The following TENM2 variants were observed in gnomAD, a reference collection of about 807,000 sequenced individuals.
TENM2 encodes the protein teneurin transmembrane protein 2.
TENM2 carries 52 observed loss-of-function variants against 245.2 expected under a neutral mutation model. The ratio of observed to expected loss-of-function variants is 0.21; its 90% CI spans 0.17 to 0.27. TENM2 has a LOEUF of 0.27. TENM2 is among the 10% of genes least tolerant of loss of function. The pLI is 1.00. For synonymous variants in TENM2, 1,363 were observed against 1,438.9 expected (o/e 0.95, Z 1.19); for missense variants, 3,046 against 3,666.8 (o/e 0.83, Z 4.37).
At chr5:167,979,924 A>G (rs902340946) in intron 4 of TENM2, among the ~76,000 whole-genome samples, 2 of 152,202 alleles carry the variant, frequency 1.3e-5, no homozygotes, top group African/African-American at 4.8e-5. Context: ...AAAATAAATA[A>G]AAGTGTTGCA....
chr5:167,127,006 G>A, the TENM2 span, among the ~76,000 whole-genome samples: 8 of 150,192 alleles, frequency 5.3e-5, no homozygotes, highest in South Asian at 1.7e-3. Flanking sequence ...ATTCACAGGT[G>A]CATTTTTTTT....
At chr5:167,563,692 A>G (rs996494563) in intron 2 of TENM2, among the ~76,000 whole-genome samples, 2 of 152,212 alleles carry the variant, frequency 1.3e-5, no homozygotes, top group African/African-American at 4.8e-5. Flanking sequence ...ATTATAATGG[A>G]ACTGCCCTAT....
At chr5:167,704,808 T>C (rs1375230447) in intron 2 of TENM2, among the ~76,000 whole-genome samples, 1 of 150,936 alleles carries the variant, frequency 6.6e-6, no homozygotes, top group Non-Finnish European at 1.5e-5. Flanking sequence ...GCTATGGTTC[T>C]TGATGTTGAA....
intron 5 of TENM2, among the ~76,000 whole-genome samples, chr5:168,039,698 G>A (rs767396027): frequency 5.3e-5 from 8 of 152,064 alleles, no homozygotes; most frequent in Non-Finnish European, 1.0e-4. Context: ...TTGCCAGTCA[G>A]GTGCATTCCT....
intron 2 of TENM2, among the ~76,000 whole-genome samples, chr5:167,585,594 T>A (rs1009049319): frequency 6.6e-6 from 1 of 152,200 alleles, no homozygotes; most frequent in Non-Finnish European, 1.5e-5. Context: ...TCCACACCTC[T>A]GGTGAAATTC....
At chr5:167,291,569 AAT>A (rs1387849880) in intron 1 of TENM2, among the ~76,000 whole-genome samples, 2 of 152,208 alleles carry the variant, frequency 1.3e-5, no homozygotes, top group Non-Finnish European at 2.9e-5. Context: ...TTTTCAGCAG[AAT>A]ATTCTCCAGG....
intron 2 of TENM2, among the ~76,000 whole-genome samples, chr5:167,840,482 C>T (rs138513467): frequency 4.6e-4 from 70 of 152,180 alleles, no homozygotes; most frequent in African/African-American, 1.6e-3. Flanking sequence ...AAAATGAACC[C>T]GATGCAAACT....
chr5:168,248,734 G>C (rs1224378212), intron 27 of TENM2, among the ~76,000 whole-genome samples: 1 of 152,214 alleles, frequency 6.6e-6, no homozygotes, highest in Non-Finnish European at 1.5e-5. Context: ...AAAGGACCTT[G>C]GACTAGTTGT....
chr5:168,067,173 G>A (rs558628743), intron 7 of TENM2, among the ~76,000 whole-genome samples: 3 of 152,278 alleles, frequency 2.0e-5, no homozygotes, highest in Non-Finnish European at 2.9e-5. Context: ...GACCGATGGA[G>A]CCAGGAGGCA....
rs775819571 is a variant in TENM2 at position 168,244,683 on chromosome 5, C to T, written c.5784C>T (p.Asp1928=). 10 of 1,488,926 alleles carry T rather than the reference C, an allele frequency of 6.7e-6. No individual in the cohort carries two copies. Among genetic ancestry groups the T allele is most frequent in the Admixed American group, 2.1e-5 (1 of 48,368 alleles). 92.2% of individuals were successfully genotyped at this position (1,488,926 alleles called of 1,614,324 possible). A position where few individuals can be genotyped will look rare whatever the true frequency, so the allele number is the denominator to read the frequency against. ...GCATCGTGTCCCGCATGTTCGCTGA[C>T]GGGAAAGTGTGGAGCTACTCCTACC... Residue 1928 remains aspartate (D), a synonymous_variant, in exon 26 of 29, where the codon GAC becomes GAT. Coordinates refer to ENST00000518659, the Ensembl canonical transcript of TENM2. This position sits in a 1 kb window ranked among gnomAD's most constrained non-coding sequence, Gnocchi z 4.9.
intron 2 of TENM2, among the ~76,000 whole-genome samples, chr5:167,707,013 TAAAAAAA>T (rs34373602): frequency 4.3e-5 from 3 of 70,092 alleles, no homozygotes; most frequent in African/African-American, 5.5e-5. Context: ...AGACTCCGCC[TAAAAAAA>T]AAAAAAAAAA....
chr5:167,343,284 G>A (rs1240795606), intron 1 of TENM2, among the ~76,000 whole-genome samples: 1 of 152,048 alleles, frequency 6.6e-6, no homozygotes, highest in Admixed American at 6.5e-5. Context: ...TCTTTAAAGG[G>A]CACTGGTTTC....
At chr5:167,144,029 G>C in the TENM2 span, among the ~76,000 whole-genome samples, 1 of 152,084 alleles carries the variant, frequency 6.6e-6, no homozygotes, top group African/African-American at 2.4e-5. Flanking sequence ...CAAGGCAGCT[G>C]TGCTGTATTC....
intron 2 of TENM2, among the ~76,000 whole-genome samples, chr5:167,798,722 A>C (rs750452100): frequency 1.6e-4 from 24 of 152,192 alleles, no homozygotes; most frequent in Middle Eastern, 3.2e-3. Flanking sequence ...AGCCAAACAG[A>C]ACAAATTCCC....
chr5:167,104,548 C>T, the TENM2 span, among the ~76,000 whole-genome samples: 1 of 152,160 alleles, frequency 6.6e-6, no homozygotes, highest in East Asian at 1.9e-4. Context: ...ATGTGCCTTA[C>T]CTTGTAAAGG....
intron 4 of TENM2, among the ~76,000 whole-genome samples, chr5:167,969,781 C>G (rs907139295): frequency 7.9e-5 from 12 of 152,196 alleles, no homozygotes; most frequent in African/African-American, 2.7e-4. Context: ...GACATTTCAA[C>G]AACACTCCCT....
intron 12 of TENM2, among the ~76,000 whole-genome samples, chr5:168,127,197 C>T (rs1795915451): frequency 6.6e-6 from 1 of 152,184 alleles, no homozygotes; most frequent in South Asian, 2.1e-4. Context: ...AAAACCCCTC[C>T]AAACTTGCAA....
chr5:167,195,320 T>C, the TENM2 span, among the ~76,000 whole-genome samples: 11 of 152,072 alleles, frequency 7.2e-5, no homozygotes, highest in African/African-American at 2.4e-4. Flanking sequence ...TAGTACTCAG[T>C]CACCTACAAG....
chr5:167,132,556 TCA>T, the TENM2 span, among the ~76,000 whole-genome samples: 1 of 152,018 alleles, frequency 6.6e-6, no homozygotes, highest in African/African-American at 2.4e-5. Flanking sequence ...CGCAAATAAA[TCA>T]CCCTTCACTT....
Sources: allele counts gnomAD v4.1 joint callset (sites outside exome capture counted in the v4.1 genomes callset), GRCh38; gene constraint gnomAD v4.1.1; non-coding constraint Gnocchi (gnomAD v3.1); transcripts MANE v1.5; gene names NCBI Gene and HGNC (gene_info 2026-07-23, HGNC 2026-07-21).